The following MMUT variants were observed in gnomAD, a reference collection of about 807,000 sequenced individuals.
The protein encoded by MMUT is methylmalonyl-CoA mutase.
A neutral mutation model predicts 79.9 loss-of-function variants in MMUT; 79 were observed. The observed-to-expected ratio is 0.99, with a 90% CI of 0.82 to 1.19. The LOEUF is 1.19. Among genes scored for constraint, MMUT ranks in the 50% most tolerant of loss-of-function variants. The probability of loss-of-function intolerance (pLI) is 0.00; values close to 1 mark genes in which losing one functional copy is unlikely to be tolerated. For synonymous variants in MMUT, 273 were observed against 295.7 expected (o/e 0.92, Z 0.79); for missense variants, 860 against 917.2 (o/e 0.94, Z 0.81).
At chr6:49,436,359 A>T (rs1371199184) in intron 11 of MMUT, among the ~76,000 whole-genome samples, 3 of 152,144 alleles carry the variant, frequency 2.0e-5, no homozygotes, top group Admixed American at 2.0e-4. Context: ...TAATTCTAGC[A>T]CTTTGGGAGG....
chr6:49,449,505 A>C (rs984761944), intron 6 of MMUT, among the ~76,000 whole-genome samples: 1 of 147,732 alleles, frequency 6.8e-6, no homozygotes, highest in Non-Finnish European at 1.5e-5. Flanking sequence ...AAAAAGAAGA[A>C]GACAATTTGA....
chr6:49,459,556 A>C lies in MMUT; in HGVS notation c.-39-51T>G, dbSNP rs1335807919. ...ACATTTAGAAGAGGGGGTGGGAAATAGGAGCTACTCATAAGAAAGGAACAG... is the reference window on the plus strand; with the variant it reads ...ACATTTAGAAGAGGGGGTGGGAAATCGGAGCTACTCATAAGAAAGGAACAG... On this transcript the variant is annotated intron_variant, in intron 1 of 12. Coordinates refer to ENST00000274813, the MANE Select transcript of MMUT (RefSeq NM_000255.4). 6.6e-6 allele frequency: 9 copies of C among 1,363,490 alleles called. No homozygotes were observed. In the African/African-American group the frequency reaches 1.2e-4, roughly 18 times the overall value. 84.5% of individuals were successfully genotyped at this position (1,363,490 alleles called of 1,614,324 possible).
At chr6:49,461,850 T>C (rs1390075943) in intron 1 of MMUT, among the ~76,000 whole-genome samples, 3 of 152,180 alleles carry the variant, frequency 2.0e-5, no homozygotes, top group African/African-American at 7.2e-5. Context: ...TTGTCATCCA[T>C]CTTTTTGCAA....
rs1767786818 is a variant in MMUT at position 49,459,519 on chromosome 6, CAT to C, written c.-39-16_-39-15del. ...ATAAGAACTGACCTAGAAAAAGAAA[CAT>C]AGAGTAAAAACATTTAGAAGAGGGG... On this transcript the variant is annotated splice_polypyrimidine_tract_variant and intron_variant, in intron 1 of 12. Transcript: ENST00000274813. The C allele has an allele frequency of 1.3e-5, 20 of 1,583,514 alleles. No homozygotes were observed. The South Asian group carries it at 1.3e-4, about 11-fold the overall frequency.
rs750583669 is a variant in MMUT at position 49,459,460 on chromosome 6, T to A, written c.7A>T (p.Arg3Ter). The change falls in exon 2 of 13, where the codon AGA (arginine) becomes TGA (stop). Residue 3 changes from arginine to a stop codon, truncating the protein, a stop_gained. Transcript: ENST00000274813. LOFTEE classifies it high-confidence loss of function. ...AGTAAAAAAAGCTGATTCTTAGCTCTTAACATGGTGGAGCATGGAAACACC... is the reference window on the plus strand; with the variant it reads ...AGTAAAAAAAGCTGATTCTTAGCTCATAACATGGTGGAGCATGGAAACACC... ML[R>*]AKNQLFLLSP... is the part of the protein sequence containing the mutation. 2 of 1,611,322 alleles carry A rather than the reference T, an allele frequency of 1.2e-6. No individual in the cohort carries two copies. The highest frequency in any genetic ancestry group is 1.7e-6 in the Non-Finnish European group (2 of 1,179,974).
intron 11 of MMUT, among the ~76,000 whole-genome samples, chr6:49,437,791 C>G (rs1581819856): frequency 6.6e-6 from 1 of 151,898 alleles, no homozygotes; most frequent in South Asian, 2.1e-4. Flanking sequence ...CTGCTTGAAT[C>G]TAGTTGCAGC....
In MMUT at chr6:49,443,159, T is replaced by C. The variant is rs573026090; in HGVS notation, c.1677-1188A>G. On this transcript the variant is annotated intron_variant, in intron 9 of 12. Coordinates refer to ENST00000274813, the MANE Select transcript of MMUT (RefSeq NM_000255.4). ...CTGCACATCCTGTGGAGCAAAGCAC[T>C]GACACCTCTTTATTCTGGACTATCT... Among the ~76,000 whole-genome samples the C allele has an allele frequency of 1.2e-4, 18 of 152,274 alleles. No homozygotes were observed. The South Asian group carries it at 3.5e-3, about 30-fold the overall frequency.
rs578109174 is a variant in MMUT at position 49,453,528 on chromosome 6, GA to G, written c.1083+56del. On this transcript the variant is annotated intron_variant, in intron 5 of 12. Coordinates refer to ENST00000274813, the MANE Select transcript of MMUT (RefSeq NM_000255.4). ...TTTCCTGCTTGTGCCACATTGCTCA[GA>G]AAAAATATATATATATAACTTTATT... The G allele has an allele frequency of 2.4e-5, 24 of 990,126 alleles. 1 individual carries two copies. The highest frequency in any genetic ancestry group is 3.2e-5 in the Non-Finnish European group (23 of 724,326). The allele number at this position is 990,126 out of a possible 1,614,324, so 61.3% of individuals were successfully genotyped here.
At chr6:49,448,150 C>G (rs554474894) in intron 7 of MMUT, among the ~76,000 whole-genome samples, 1 of 151,840 alleles carries the variant, frequency 6.6e-6, no homozygotes, top group African/African-American at 2.4e-5. Flanking sequence ...TTGAATTCAG[C>G]CAGTCACTTT....
intron 11 of MMUT, among the ~76,000 whole-genome samples, chr6:49,437,283 G>A (rs1767155931): frequency 1.3e-5 from 2 of 151,880 alleles, no homozygotes; most frequent in Non-Finnish European, 1.5e-5. Context: ...AGTGTTTGCT[G>A]ATTTTTATGT....
At chr6:49,436,475 C>T (rs1468210086) in intron 11 of MMUT, among the ~76,000 whole-genome samples, 7 of 151,624 alleles carry the variant, frequency 4.6e-5, no homozygotes, top group East Asian at 3.9e-4. Context: ...TATGGTGGCA[C>T]GTGCCTGTAG....
At chr6:49,443,237 C>A (rs1361592521) in intron 9 of MMUT, among the ~76,000 whole-genome samples, 1 of 151,970 alleles carries the variant, frequency 6.6e-6, no homozygotes, top group Non-Finnish European at 1.5e-5. Flanking sequence ...ATATTGGCTA[C>A]CTCCAGAGCA....
intron 11 of MMUT, among the ~76,000 whole-genome samples, chr6:49,437,369 A>T (rs1193115553): frequency 6.6e-6 from 1 of 152,172 alleles, no homozygotes; most frequent in Non-Finnish European, 1.5e-5. Context: ...AAAAAGACAC[A>T]CAATAGCCAC....
In MMUT at chr6:49,459,480, AAC is replaced by A. The variant is rs775173996; in HGVS notation, c.-16_-15del. ...AGCTCTTAACATGGTGGAGCATGGA[AAC>A]ACCCAATAGAAATAAGAACTGACCT... On this transcript the variant is annotated 5_prime_UTR_variant, in exon 2 of 13. Coordinates refer to ENST00000274813, the MANE Select transcript of MMUT (RefSeq NM_000255.4). 52 of 1,607,786 alleles carry A rather than the reference AAC, an allele frequency of 3.2e-5. 1 individual carries two copies. In the Admixed American group the frequency reaches 8.7e-4, roughly 27 times the overall value.
Position 49,431,679 on chromosome 6 carries a change from T to A in MMUT, c.*49A>T, listed in dbSNP as rs762165830. ...GACATAGCTTTACTCTCTTCTTTGATCATAACTAAAATAATATTTTAGACA... is the reference window on the plus strand; with the variant it reads ...GACATAGCTTTACTCTCTTCTTTGAACATAACTAAAATAATATTTTAGACA... On this transcript the variant is annotated 3_prime_UTR_variant, in exon 13 of 13. Transcript: ENST00000274813. 2.5e-6 allele frequency: 4 copies of A among 1,572,162 alleles called. No individual in the cohort carries two copies. In the South Asian group the frequency reaches 4.5e-5, roughly 18 times the overall value.
rs1767732434 is a variant in MMUT at position 49,457,843 on chromosome 6, C to A, written c.601G>T (p.Val201Leu). The part of the protein sequence containing the change: ...AVIPVLANFI[V>L]TGEEQGVPKE... ...GGTACACCTTGTTCTTCTCCAGTTA[C>A]TATAAAATTTGCAAGAACTGGAATA... Residue 201 changes from valine (V) to leucine (L), a missense_variant, in exon 3 of 13, where the codon GTA (valine) becomes TTA (leucine). Coordinates refer to ENST00000274813, the MANE Select transcript of MMUT (RefSeq NM_000255.4). 1 of 1,613,650 alleles carries A rather than the reference C, an allele frequency of 6.2e-7. No individual in the cohort carries two copies. Among genetic ancestry groups the A allele is most frequent in the Non-Finnish European group, 8.5e-7 (1 of 1,179,612 alleles).
rs121918254 is a variant in MMUT at position 49,440,295 on chromosome 6, C to G, written c.1867G>C (p.Gly623Arg). 1.2e-6 allele frequency: 2 copies of G among 1,613,898 alleles called. No homozygotes were observed. The highest frequency in any genetic ancestry group is 1.7e-6 in the Non-Finnish European group (2 of 1,179,954). The part of the protein sequence containing the change: ...RRPRLLVAKM[G>R]QDGHDRGAKV... Reference sequence around the variant, plus strand: ...GCTCCTCTGTCATGGCCATCTTGTCCCATTTTTGCTACAAGAAGACGAGGT... The same window carrying G: ...GCTCCTCTGTCATGGCCATCTTGTCGCATTTTTGCTACAAGAAGACGAGGT... Residue 623 changes from glycine (G) to arginine (R), a missense_variant, in exon 11 of 13, where the codon GGA (glycine) becomes CGA (arginine). Transcript: ENST00000274813.
chr6:49,437,265 T>C (rs891530599), intron 11 of MMUT, among the ~76,000 whole-genome samples: 4 of 152,114 alleles, frequency 2.6e-5, no homozygotes, highest in Admixed American at 2.6e-4. Flanking sequence ...ACTCAATCCC[T>C]AATTTTTAGT....
At chr6:49,455,989 C>A (rs542613417) in intron 4 of MMUT, 91 bp downstream of exon 4, 30 of 1,123,474 alleles carry the variant, frequency 2.7e-5, no homozygotes, top group South Asian at 5.8e-5. Context: ...TCTAGCCTGA[C>A]ATTTATATTT....
Sources: gnomAD v4.1 joint callset for allele counts (sites outside exome capture counted in the v4.1 genomes callset) on GRCh38, gnomAD v4.1.1 for gene constraint, MANE v1.5 for transcripts, NCBI Gene and HGNC (gene_info 2026-07-23, HGNC 2026-07-21) for gene names.